SEL1L2: variants seen among roughly 807,000 people sequenced by gnomAD.
The protein encoded by SEL1L2 is protein sel-1 homolog 2.
A neutral mutation model predicts 98.8 loss-of-function variants in SEL1L2; 89 were observed. That is an observed-to-expected ratio of 0.90 (90% CI 0.76 to 1.07). The LOEUF (loss-of-function observed/expected upper bound fraction) is 1.07. Among genes scored for constraint, SEL1L2 ranks in the 50% least tolerant of loss-of-function variants. The probability of loss-of-function intolerance (pLI) is 0.00; values close to 1 mark genes in which losing one functional copy is unlikely to be tolerated. For missense variants in SEL1L2, 788 were observed against 812.0 expected (o/e 0.97, Z 0.36); for synonymous variants, 262 against 278.5 (o/e 0.94, Z 0.59).
intron 18 of SEL1L2, among the ~76,000 whole-genome samples, chr20:13,853,301 C>T (rs77643681): frequency 5.3e-5 from 8 of 151,850 alleles, no homozygotes; most frequent in Non-Finnish European, 1.0e-4. Context: ...AGGGCTTGAG[C>T]GATCCTCCCA....
In SEL1L2 at chr20:13,866,769, A is replaced by G. The variant is rs183043712; in HGVS notation, c.1337T>C (p.Ile446Thr). The G allele has an allele frequency of 1.2e-6, 2 of 1,612,918 alleles. No homozygotes were observed. The highest frequency in any genetic ancestry group is 8.5e-7 in the Non-Finnish European group (1 of 1,179,530). ...TGCATACATCTTGGCCAGATAATAA[A>G]TGGCAAGGGGCTGCCCACTCTGAGA... ...LASQSGQPLA[I>T]YYLAKMYATG... is the part of the protein sequence containing the mutation. Residue 446 changes from isoleucine (I) to threonine (T), a missense_variant, in exon 15 of 20, where the codon ATT becomes ACT. Ile to Thr is a moderately conservative substitution (Grantham distance 89). Transcript: ENST00000284951.
chr20:13,851,572 C>CT lies in SEL1L2; in HGVS notation c.1819-1254dup, dbSNP rs539198025. On this transcript the variant is annotated intron_variant, in intron 18 of 19. Transcript: ENST00000284951. ...TTTTTTTTCATGAATTATGCCATGG[C>CT]TTTTTTTTTCATCTACTCATGCCTT... 3.0e-4 allele frequency among the ~76,000 whole-genome samples: 45 copies of CT among 150,146 alleles called. 1 individual carries two copies. In the Middle Eastern group the frequency reaches 0.02, roughly 68 times the overall value.
At chr20:13,856,583 C>T (rs755891615) in intron 18 of SEL1L2, among the ~76,000 whole-genome samples, 63 of 152,146 alleles carry the variant, frequency 4.1e-4, no homozygotes, top group Non-Finnish European at 4.6e-4. Flanking sequence ...AACAATGATG[C>T]AGTCAGTGAG....
At chr20:13,983,904 C>G (rs1203777048) in intron 1 of SEL1L2, among the ~76,000 whole-genome samples, 2 of 152,062 alleles carry the variant, frequency 1.3e-5, no homozygotes, top group African/African-American at 4.8e-5. Flanking sequence ...AATGAACGAT[C>G]TATTGATAGC....
intron 11 of SEL1L2, among the ~76,000 whole-genome samples, chr20:13,876,625 G>T (rs2046444367): frequency 6.6e-6 from 1 of 152,048 alleles, no homozygotes; most frequent in South Asian, 2.1e-4. Context: ...ATCAGAGGTG[G>T]CATAAGGATA....
In SEL1L2 at chr20:13,956,132, C is replaced by CTGCAATACA; in HGVS notation, c.59-10_59-2dup. Reference sequence around the variant, plus strand: ...TTATTATGTTCCTCTGCTTTGATAGCTGCAATACACAAAATTTTTTTATAA... The same window carrying CTGCAATACA: ...TTATTATGTTCCTCTGCTTTGATAGCTGCAATACATGCAATACACAAAATTTTTTTATAA... On this transcript the variant is annotated splice_acceptor_variant, in intron 1 of 19. Coordinates refer to ENST00000284951, the MANE Select transcript of SEL1L2 (RefSeq NM_025229.2). LOFTEE classifies it high-confidence loss of function. 1.4e-6 allele frequency: 2 copies of CTGCAATACA among 1,476,068 alleles called. No individual in the cohort carries two copies. Among genetic ancestry groups the CTGCAATACA allele is most frequent in the Non-Finnish European group, 1.8e-6 (2 of 1,085,732 alleles). 91.4% of individuals were successfully genotyped at this position (1,476,068 alleles called of 1,614,324 possible).
intron 2 of SEL1L2, among the ~76,000 whole-genome samples, chr20:13,945,699 T>C (rs2049976588): frequency 6.6e-6 from 1 of 152,032 alleles, no homozygotes; most frequent in African/African-American, 2.4e-5. Context: ...CTTCAAAATA[T>C]TAGCAAACTG....
rs888941422 is a variant in SEL1L2, at chr20:13,916,781, G to T, written c.386+2240C>A. Among the ~76,000 whole-genome samples, 154 of 152,170 alleles carry T rather than the reference G, an allele frequency of 1.0e-3. 1 individual carries two copies. Among genetic ancestry groups the T allele is most frequent in the Middle Eastern group, 3.4e-3 (1 of 294 alleles). ...AGATTGTGCCACTGCATTCCAGCCT[G>T]GGCAACAGAGTGAGACTCTGTCTCA... On this transcript the variant is annotated intron_variant, in intron 4 of 19. Transcript: ENST00000284951.
chr20:13,980,226 TC>T (rs896840631), intron 1 of SEL1L2, among the ~76,000 whole-genome samples: 1 of 152,104 alleles, frequency 6.6e-6, no homozygotes, highest in African/African-American at 2.4e-5. Context: ...AAAAGGGAAA[TC>T]TTTTTTGAGA....
intron 1 of SEL1L2, among the ~76,000 whole-genome samples, chr20:13,961,583 C>G (rs1429828069): frequency 6.6e-6 from 1 of 152,146 alleles, no homozygotes; most frequent in Non-Finnish European, 1.5e-5. Flanking sequence ...GAAATTGAGA[C>G]AGTTCAAAAT....
At chr20:13,877,105 G>A (rs951683080) in intron 11 of SEL1L2, among the ~76,000 whole-genome samples, 1 of 152,128 alleles carries the variant, frequency 6.6e-6, no homozygotes, top group African/African-American at 2.4e-5. Flanking sequence ...GATTACAGGC[G>A]TGAGCCACCG....
At chr20:13,947,911 G>A (rs902095230) in intron 2 of SEL1L2, among the ~76,000 whole-genome samples, 1 of 152,238 alleles carries the variant, frequency 6.6e-6, no homozygotes, top group African/African-American at 2.4e-5. Context: ...TGTGCACAGT[G>A]ACTGGACCCC....
At chr20:13,870,322 G>T in intron 12 of SEL1L2, 119 bp from the exon 13 acceptor site, 1 of 706,926 alleles carries the variant, frequency 1.4e-6, no homozygotes, top group Admixed American at 2.6e-5. Flanking sequence ...AAGGCAGTTG[G>T]CAGGTTATTC....
chr20:13,933,165 C>T (rs1034258739), intron 2 of SEL1L2, among the ~76,000 whole-genome samples: 4 of 151,626 alleles, frequency 2.6e-5, no homozygotes, highest in Non-Finnish European at 5.9e-5. Flanking sequence ...GCTGAGATTG[C>T]GCCACTGTAC....
chr20:13,854,913 T>G (rs1253163193), intron 18 of SEL1L2, among the ~76,000 whole-genome samples: 3 of 151,992 alleles, frequency 2.0e-5, no homozygotes, highest in Non-Finnish European at 4.4e-5. Flanking sequence ...TAGCTGGGCA[T>G]AGTGGTGCGT....
intron 1 of SEL1L2, among the ~76,000 whole-genome samples, chr20:13,985,710 C>G (rs1321100676): frequency 6.6e-6 from 1 of 152,162 alleles, no homozygotes; most frequent in Admixed American, 6.5e-5. Flanking sequence ...ATTCAATGGC[C>G]TTTAGGATAT....
At chr20:13,901,440 C>A (rs2047676988) in intron 5 of SEL1L2, among the ~76,000 whole-genome samples, 2 of 152,086 alleles carry the variant, frequency 1.3e-5, no homozygotes. Context: ...TATTCTGTAA[C>A]TTTTACTATG....
intron 1 of SEL1L2, among the ~76,000 whole-genome samples, chr20:13,977,034 A>G (rs2148532153): frequency 6.6e-6 from 1 of 152,314 alleles, no homozygotes; most frequent in African/African-American, 2.4e-5. Flanking sequence ...CTTGAGAACA[A>G]GGTGAGCAGG....
intron 2 of SEL1L2, among the ~76,000 whole-genome samples, chr20:13,944,512 G>C (rs2049923233): frequency 6.6e-6 from 1 of 152,190 alleles, no homozygotes; most frequent in East Asian, 1.9e-4. Flanking sequence ...GCATCTGGTG[G>C]ATGAAGGAGC....
Sources: gnomAD v4.1 joint callset for allele counts (sites outside exome capture counted in the v4.1 genomes callset) on GRCh38, gnomAD v4.1.1 for gene constraint, MANE v1.5 for transcripts, NCBI Gene and HGNC (gene_info 2026-07-23, HGNC 2026-07-21) for gene names.